The following PBX3 variants were observed in gnomAD, a reference collection of about 807,000 sequenced individuals.
PBX3 encodes the protein pre-B-cell leukemia transcription factor 3.
Under a neutral mutation model 48.5 loss-of-function variants are expected in PBX3, and 14 were observed. The ratio of observed to expected loss-of-function variants is 0.29; its 90% confidence interval spans 0.19 to 0.45. PBX3 has a LOEUF of 0.45. PBX3 is among the 20% of genes least tolerant of loss of function. The pLI, the probability that PBX3 is intolerant of heterozygous loss-of-function variation, is 1.00. For synonymous variants in PBX3, 210 were observed against 200.3 expected (o/e 1.05, Z -0.41); for missense variants, 386 against 546.7 (o/e 0.71, Z 2.93).
intron 2 of PBX3, among the ~76,000 whole-genome samples, chr9:125,754,772 A>T (rs1251037959): frequency 6.6e-6 from 1 of 152,046 alleles, no homozygotes; most frequent in Non-Finnish European, 1.5e-5. Context: ...TTGAGTGTAT[A>T]TCTAGCAAAA....
rs141252963 is a variant in PBX3, at chr9:125,903,516, C to T, written c.275-12170C>T. Among the ~76,000 whole-genome samples the T allele has an allele frequency of 2.4e-3, 360 of 151,804 alleles. 3 individuals carry two copies. The highest frequency in any genetic ancestry group is 8.5e-3 in the African/African-American group (351 of 41,468). ...TGGTTGCCCATTTCTTTCTAATTGT[C>T]AGTATTTTTGAAAAATACACCTGAT... is the stretch of plus-strand genomic sequence containing the variant. On this transcript the variant is annotated intron_variant, in intron 2 of 8. Coordinates refer to ENST00000373489, the MANE Select transcript of PBX3 (RefSeq NM_006195.6).
In PBX3 at chr9:125,880,786, C is replaced by T. The variant is rs555555831; in HGVS notation, c.275-34900C>T. Among the ~76,000 whole-genome samples, 204 of 152,282 alleles carry T rather than the reference C, an allele frequency of 1.3e-3. 1 individual carries two copies. The highest frequency in any genetic ancestry group is 4.6e-3 in the African/African-American group (193 of 41,572). ...GTTAATGAAAATGTCATTTTTCTCACTTAAATCGTGTCATGATTTTCAAAT... is the reference window on the plus strand; with the variant it reads ...GTTAATGAAAATGTCATTTTTCTCATTTAAATCGTGTCATGATTTTCAAAT... On this transcript the variant is annotated intron_variant, in intron 2 of 8. Coordinates refer to ENST00000373489, the MANE Select transcript of PBX3 (RefSeq NM_006195.6).
At chr9:125,919,679 CTTAGAG>C (rs1196997241) in intron 3 of PBX3, among the ~76,000 whole-genome samples, 2 of 152,180 alleles carry the variant, frequency 1.3e-5, no homozygotes, top group Non-Finnish European at 2.9e-5. Context: ...ACATTAGAAT[CTTAGAG>C]TTATTCACTC....
At chr9:125,924,535 T>G (rs545595626) in intron 3 of PBX3, among the ~76,000 whole-genome samples, 1 of 152,344 alleles carries the variant, frequency 6.6e-6, no homozygotes, top group Admixed American at 6.5e-5. Context: ...CAGTTAACTT[T>G]TTGTACTCTG....
At chr9:125,809,105 AC>A (rs1326162875) in intron 2 of PBX3, among the ~76,000 whole-genome samples, 2 of 152,224 alleles carry the variant, frequency 1.3e-5, no homozygotes. Flanking sequence ...TACTAAATAG[AC>A]TGCAAGAAGG....
chr9:125,772,916 A>T (rs1217256912), intron 2 of PBX3, among the ~76,000 whole-genome samples: 1 of 152,216 alleles, frequency 6.6e-6, no homozygotes, highest in African/African-American at 2.4e-5. Flanking sequence ...TTCTCCCCAG[A>T]AAAAAGAGTG....
At chr9:125,795,649 G>A (rs1837756485) in intron 2 of PBX3, among the ~76,000 whole-genome samples, 1 of 151,986 alleles carries the variant, frequency 6.6e-6, no homozygotes, top group African/African-American at 2.4e-5. Flanking sequence ...ATTAGCAGAG[G>A]GCTTTACCCA....
intron 2 of PBX3, among the ~76,000 whole-genome samples, chr9:125,862,833 T>C (rs1486998912): frequency 6.6e-6 from 1 of 152,190 alleles, no homozygotes; most frequent in Non-Finnish European, 1.5e-5. Context: ...CTTTTAGGAC[T>C]GTATTAAATT....
chr9:125,820,358 C>G (rs1377899850), intron 2 of PBX3, among the ~76,000 whole-genome samples: 1 of 152,088 alleles, frequency 6.6e-6, no homozygotes, highest in Non-Finnish European at 1.5e-5. Context: ...TTCAGCACTC[C>G]CCTCCACTTT....
In PBX3 at chr9:125,963,089, A is replaced by G; in HGVS notation, c.1200A>G (p.Pro400=). The change falls in exon 8 of 9, where the codon CCA becomes CCG. Residue 400 remains proline, a synonymous_variant. Transcript: ENST00000373489. ...DGLGGNSLYS[P]HNLNANGGWQ... is the part of the protein sequence containing the mutation. ...TTGGAGGAAATTCACTGTACAGTCC[A>G]CATAATTTAAATGTGAGTACTCTGG... The G allele has an allele frequency of 8.2e-6, 13 of 1,591,342 alleles. No individual in the cohort carries two copies. The highest frequency in any genetic ancestry group is 1.0e-5 in the Non-Finnish European group (12 of 1,161,884).
intron 2 of PBX3, among the ~76,000 whole-genome samples, chr9:125,909,964 G>A (rs1232168711): frequency 6.6e-6 from 1 of 152,136 alleles, no homozygotes; most frequent in Non-Finnish European, 1.5e-5. Context: ...TTAGAAATAG[G>A]CATTCTGCCA....
At chr9:125,846,140 G>A (rs991415110) in intron 2 of PBX3, among the ~76,000 whole-genome samples, 2 of 152,036 alleles carry the variant, frequency 1.3e-5, no homozygotes, top group Non-Finnish European at 2.9e-5. Context: ...ATCTACTCAT[G>A]TTTTAATTTT....
At chr9:125,814,765 C>A (rs527528982) in intron 2 of PBX3, among the ~76,000 whole-genome samples, 1 of 152,136 alleles carries the variant, frequency 6.6e-6, no homozygotes, top group Non-Finnish European at 1.5e-5. Context: ...GTTTGGCATT[C>A]GTTTTTAATT....
chr9:125,890,800 T>C (rs774178286), intron 2 of PBX3, among the ~76,000 whole-genome samples: 5 of 152,194 alleles, frequency 3.3e-5, no homozygotes, highest in Non-Finnish European at 7.4e-5. Flanking sequence ...AACAGAGCAC[T>C]GAGATTTGAA....
At chr9:125,933,578 G>C (rs1564179866) in intron 4 of PBX3, among the ~76,000 whole-genome samples, 1 of 152,062 alleles carries the variant, frequency 6.6e-6, no homozygotes, top group Non-Finnish European at 1.5e-5. Flanking sequence ...TTGCTCCTGG[G>C]CACCAGGAGC....
chr9:125,882,203 G>A (rs1840398636), intron 2 of PBX3, among the ~76,000 whole-genome samples: 2 of 151,864 alleles, frequency 1.3e-5, no homozygotes, highest in African/African-American at 4.8e-5. Flanking sequence ...GCAGCATGGG[G>A]GACAGGGAGA....
At chr9:125,833,314 T>C (rs1839020171) in intron 2 of PBX3, among the ~76,000 whole-genome samples, 1 of 151,860 alleles carries the variant, frequency 6.6e-6, no homozygotes, top group Admixed American at 6.6e-5. Flanking sequence ...GAGAAACCCA[T>C]CTCTACTAAA....
chr9:125,834,478 A>C (rs930432349), intron 2 of PBX3, among the ~76,000 whole-genome samples: 2 of 151,376 alleles, frequency 1.3e-5, no homozygotes, highest in Non-Finnish European at 2.9e-5. Flanking sequence ...GCTCACTGCA[A>C]CCTCCACCTC....
intron 2 of PBX3, among the ~76,000 whole-genome samples, chr9:125,827,920 A>G (rs1838853540): frequency 6.6e-6 from 1 of 152,152 alleles, no homozygotes. Flanking sequence ...ACCAATTTAT[A>G]TTGCTACCAG....
Sources: allele counts gnomAD v4.1 joint callset (sites outside exome capture counted in the v4.1 genomes callset), GRCh38; gene constraint gnomAD v4.1.1; transcripts MANE v1.5; gene names NCBI Gene and HGNC (gene_info 2026-07-23, HGNC 2026-07-21).